The following ATP10D variants were observed in gnomAD, a reference collection of about 807,000 sequenced individuals.
ATP10D encodes the protein phospholipid-transporting ATPase VD.
In ATP10D, 89 loss-of-function variants were observed where a neutral mutation model predicts 144.8. That is an observed-to-expected ratio of 0.61 (90% CI 0.52 to 0.73). ATP10D has a LOEUF of 0.73. ATP10D is among the 30% of genes least tolerant of loss of function. The pLI is 0.00. For synonymous variants in ATP10D, 571 were observed against 615.1 expected, an observed-to-expected ratio of 0.93 and a Z score of 1.06; for missense variants, 1,603 against 1,714.8, an observed-to-expected ratio of 0.93 and a Z score of 1.15.
chr4:47,488,973 A>G (rs548815241), intron 1 of ATP10D, among the ~76,000 whole-genome samples: 25 of 152,280 alleles, frequency 1.6e-4, no homozygotes, highest in African/African-American at 5.5e-4. Flanking sequence ...TTGATTTTGG[A>G]CTTCCCAGCC....
At chr4:47,502,447 G>C (rs900882683) in intron 1 of ATP10D, among the ~76,000 whole-genome samples, 3 of 150,798 alleles carry the variant, frequency 2.0e-5, no homozygotes, top group Admixed American at 1.3e-4. Flanking sequence ...TCCAGCCTGG[G>C]CGTTAGAGTG....
chr4:47,525,353 TTAA>T (rs1272049820), intron 4 of ATP10D, among the ~76,000 whole-genome samples: 13 of 152,182 alleles, frequency 8.5e-5, no homozygotes, highest in African/African-American at 2.7e-4. Flanking sequence ...CTGCAGATGT[TTAA>T]TAATGCCCTA....
rs144995186 is a variant in ATP10D at position 47,529,837 on chromosome 4, T to C, written c.776+4195T>C. On this transcript the variant is annotated intron_variant, in intron 5 of 22. Transcript: ENST00000273859. ...TTCTTTAATCAGTGTTTTGTACTTC[T>C]CCTTGTAGAGATCTTTCACCTCCTT... 1.1e-3 allele frequency among the ~76,000 whole-genome samples: 174 copies of C among 152,312 alleles called. 3 individuals carry two copies. Among genetic ancestry groups the C allele is most frequent in the African/African-American group, 4.1e-3 (172 of 41,586 alleles).
intron 1 of ATP10D, among the ~76,000 whole-genome samples, chr4:47,492,620 G>A (rs7680740): frequency 0.98 from 149,729 of 152,250 alleles, 73,677 homozygotes; most frequent in East Asian, 1. Context: ...CTTTTATTGC[G>A]TTAAGTCATG....
At chr4:47,503,668 G>A (rs1715840874) in intron 1 of ATP10D, among the ~76,000 whole-genome samples, 1 of 152,148 alleles carries the variant, frequency 6.6e-6, no homozygotes, top group African/African-American at 2.4e-5. Context: ...AGGCCAAGGT[G>A]GGAGGATTGC....
intron 5 of ATP10D, among the ~76,000 whole-genome samples, chr4:47,530,364 G>C (rs1717500356): frequency 6.6e-6 from 1 of 152,112 alleles, no homozygotes; most frequent in Admixed American, 6.6e-5. Context: ...ATCATGAAAG[G>C]ATATTGGTTT....
rs1721040975 is a variant in ATP10D at position 47,591,373 on chromosome 4, G to T, written c.4273G>T (p.Glu1425Ter). Residue 1425 changes from glutamate (E) to a stop codon, truncating the protein, a stop_gained, in exon 23 of 23, where the codon GAA becomes TAA. Transcript: ENST00000273859. LOFTEE classifies it high-confidence loss of function. ...FEMAGPSKGK[E>*]S ...GATGGCTGGACCCTCCAAAGGTAAA[G>T]AAAGCTAGATACCCTCCTTGGAGTT... 1 of 1,594,454 alleles carries T rather than the reference G, an allele frequency of 6.3e-7. No homozygotes were observed. Among genetic ancestry groups the T allele is most frequent in the Admixed American group, 1.8e-5 (1 of 56,926 alleles).
intron 5 of ATP10D, among the ~76,000 whole-genome samples, chr4:47,528,986 C>G (rs993841922): frequency 6.6e-6 from 1 of 151,824 alleles, no homozygotes; most frequent in East Asian, 1.9e-4. Context: ...TGTCTTTTGT[C>G]TACTGTTTTG....
chr4:47,537,001 T>C, intron 9 of ATP10D, 63 bp downstream of exon 9: 1 of 1,519,352 alleles, frequency 6.6e-7, no homozygotes, highest in Non-Finnish European at 8.8e-7. Context: ...ACCACTTAAG[T>C]GTTGGATGTC....
At chr4:47,586,309 G>A (rs1409623430) in intron 21 of ATP10D, among the ~76,000 whole-genome samples, 1 of 152,180 alleles carries the variant, frequency 6.6e-6, no homozygotes, top group Non-Finnish European at 1.5e-5. Flanking sequence ...TATGAAAGTA[G>A]CTAGGCTGTG....
intron 1 of ATP10D, among the ~76,000 whole-genome samples, chr4:47,489,398 A>AG: frequency 6.6e-6 from 1 of 152,250 alleles, no homozygotes; most frequent in African/African-American, 2.4e-5. Flanking sequence ...TGAAAAAAAA[A>AG]TCAACCTATG....
intron 9 of ATP10D, among the ~76,000 whole-genome samples, chr4:47,541,330 T>A (rs929274611): frequency 2.6e-5 from 4 of 152,220 alleles, no homozygotes; most frequent in Admixed American, 1.3e-4. Context: ...ATCATGTTCA[T>A]TGTCATAAGA....
intron 3 of ATP10D, among the ~76,000 whole-genome samples, chr4:47,522,158 T>C (rs916223291): frequency 6.6e-6 from 1 of 152,234 alleles, no homozygotes; most frequent in African/African-American, 2.4e-5. Flanking sequence ...CTAGCTAACA[T>C]GACACATGAC....
In ATP10D at chr4:47,485,337, T is replaced by G. The variant is rs1362119313; in HGVS notation, c.-220T>G. 1.3e-5 allele frequency: 2 copies of G among 150,156 alleles called. No individual in the cohort carries two copies. Among genetic ancestry groups the G allele is most frequent in the African/African-American group, 2.4e-5 (1 of 40,942 alleles). 9.3% of individuals were successfully genotyped at this position (150,156 alleles called of 1,614,324 possible). On this transcript the variant is annotated 5_prime_UTR_variant, in exon 1 of 23. Coordinates refer to ENST00000273859, the MANE Select transcript of ATP10D (RefSeq NM_020453.4). Reference sequence around the variant, plus strand: ...AGTAGGTTGCGAGCTCAGCACAGGCTCCGGCGCTGGCTCCCGCAGCTGAGT... The same window carrying G: ...AGTAGGTTGCGAGCTCAGCACAGGCGCCGGCGCTGGCTCCCGCAGCTGAGT...
At chr4:47,566,105 A>T (rs1238598648) in intron 15 of ATP10D, among the ~76,000 whole-genome samples, 1 of 152,242 alleles carries the variant, frequency 6.6e-6, no homozygotes, top group Non-Finnish European at 1.5e-5. Flanking sequence ...TGTGTCACTT[A>T]GTGAAGGAAT....
At chr4:47,493,184 T>C (rs1243753505) in intron 1 of ATP10D, among the ~76,000 whole-genome samples, 2 of 152,184 alleles carry the variant, frequency 1.3e-5, no homozygotes, top group Non-Finnish European at 2.9e-5. Flanking sequence ...AGAAAAGTAG[T>C]TTCACTGATT....
chr4:47,579,336 C>T (rs904395843), intron 19 of ATP10D, among the ~76,000 whole-genome samples: 8 of 152,266 alleles, frequency 5.3e-5, no homozygotes, highest in South Asian at 2.1e-4. Context: ...CTGTTTTAGT[C>T]GCTTGAATAA....
intron 9 of ATP10D, among the ~76,000 whole-genome samples, chr4:47,545,854 A>C (rs1194767492): frequency 6.6e-6 from 1 of 152,170 alleles, no homozygotes; most frequent in Non-Finnish European, 1.5e-5. Flanking sequence ...TTGTGTGGTC[A>C]GATCTGGGAA....
At position 47,546,643 on chromosome 4, in the gene ATP10D, T is replaced by A; in HGVS notation, c.1416T>A (p.Tyr472Ter). ...HEENARRLES[Y>*]QEAVSEDEDF... ...CCACAGCCAGGAGGTTGGAGTCCTA[T>A]CAGGAAGCTGTCTCTGAAGATGAAG... is the stretch of plus-strand genomic sequence containing the variant. The change falls in exon 10 of 23, where the codon TAT becomes TAA. Residue 472 changes from tyrosine (Y) to a stop codon, truncating the protein, a stop_gained. Transcript: ENST00000273859. LOFTEE classifies it high-confidence loss of function. The A allele has an allele frequency of 6.2e-7, 1 of 1,614,074 alleles. No homozygotes were observed. Among genetic ancestry groups the A allele is most frequent in the Non-Finnish European group, 8.5e-7 (1 of 1,179,946 alleles).
Sources: gnomAD v4.1 joint callset for allele counts (sites outside exome capture counted in the v4.1 genomes callset) on GRCh38, gnomAD v4.1.1 for gene constraint, MANE v1.5 for transcripts, NCBI Gene and HGNC (gene_info 2026-07-23, HGNC 2026-07-21) for gene names.